BTBD9: variants seen among roughly 807,000 people sequenced by gnomAD.
The protein encoded by BTBD9 is BTB/POZ domain-containing protein 9.
Under a neutral mutation model 64.3 loss-of-function variants are expected in BTBD9, and 49 were observed. That is an observed-to-expected ratio of 0.76 (90% CI 0.61 to 0.97). The LOEUF is 0.97. BTBD9 is among the 50% of genes least tolerant of loss of function. The probability of loss-of-function intolerance (pLI) is 0.00; values close to 1 mark genes in which losing one functional copy is unlikely to be tolerated. For synonymous variants in BTBD9, 260 were observed against 274.7 expected (o/e 0.95, Z 0.53); for missense variants, 598 against 762.1 (o/e 0.78, Z 2.53).
intron 6 of BTBD9, among the ~76,000 whole-genome samples, chr6:38,450,395 C>T (rs1048353138): frequency 2.0e-5 from 3 of 152,124 alleles, no homozygotes; most frequent in African/African-American, 4.8e-5. Flanking sequence ...TCTTGAAAAA[C>T]GCTGAGAGAG....
chr6:38,175,425 A>G (rs1272461421), intron 10 of BTBD9, among the ~76,000 whole-genome samples: 1 of 152,226 alleles, frequency 6.6e-6, no homozygotes, highest in Admixed American at 6.5e-5. Flanking sequence ...TAGAGACACC[A>G]TGACACGGAT....
intron 6 of BTBD9, among the ~76,000 whole-genome samples, chr6:38,509,264 A>G (rs978064788): frequency 3.9e-5 from 6 of 152,232 alleles, no homozygotes; most frequent in African/African-American, 1.4e-4. Context: ...GTAAAAGGAC[A>G]TATTACCAGG....
chr6:38,430,880 C>T (rs143019024), intron 6 of BTBD9, among the ~76,000 whole-genome samples: 3 of 152,096 alleles, frequency 2.0e-5, no homozygotes, highest in African/African-American at 4.8e-5. Context: ...CCTGTGCCAA[C>T]CCAATGGTCA....
At chr6:38,593,372 A>C (rs977790225) in intron 3 of BTBD9, among the ~76,000 whole-genome samples, 3 of 152,222 alleles carry the variant, frequency 2.0e-5, no homozygotes, top group African/African-American at 7.2e-5. Context: ...ATTTACACTC[A>C]AATCAAGATA....
At chr6:38,465,162 G>T (rs540414312) in intron 6 of BTBD9, among the ~76,000 whole-genome samples, 76 of 151,958 alleles carry the variant, frequency 5.0e-4, no homozygotes, top group Non-Finnish European at 1.0e-3. Flanking sequence ...GGGTATGGTG[G>T]TGTGTGCCTG....
chr6:38,266,262 C>T (rs1031864285), intron 8 of BTBD9, among the ~76,000 whole-genome samples: 10 of 152,086 alleles, frequency 6.6e-5, no homozygotes, highest in Non-Finnish European at 1.5e-4. Context: ...AGACTTCATA[C>T]TACACAGTCC....
At chr6:38,541,964 T>C (rs778617723) in intron 6 of BTBD9, among the ~76,000 whole-genome samples, 1 of 152,236 alleles carries the variant, frequency 6.6e-6, no homozygotes, top group Non-Finnish European at 1.5e-5. Flanking sequence ...AGAAAACTTA[T>C]ATGAACTTGA....
chr6:38,570,046 G>A (rs189955909), intron 6 of BTBD9, among the ~76,000 whole-genome samples: 2 of 152,202 alleles, frequency 1.3e-5, no homozygotes, highest in Admixed American at 1.3e-4. Context: ...AGGAAAATTC[G>A]AAGCTCTACA....
intron 1 of BTBD9, among the ~76,000 whole-genome samples, chr6:38,606,928 C>T (rs1417739002): frequency 6.6e-6 from 1 of 152,096 alleles, no homozygotes; most frequent in Non-Finnish European, 1.5e-5. Flanking sequence ...CTTATAAAAC[C>T]TTGCTAAGTA....
chr6:38,315,457 T>G (rs1279044643), intron 7 of BTBD9, among the ~76,000 whole-genome samples: 1 of 152,166 alleles, frequency 6.6e-6, no homozygotes, highest in African/African-American at 2.4e-5. Context: ...TTTCGCTGTA[T>G]CCCACAGTTT....
chr6:38,430,299 A>G (rs558974996), intron 6 of BTBD9, among the ~76,000 whole-genome samples: 1 of 151,350 alleles, frequency 6.6e-6, no homozygotes, highest in Non-Finnish European at 1.5e-5. Flanking sequence ...AGCTCACTGA[A>G]GCTTCGAACT....
At chr6:38,283,242 C>T (rs978162441) in intron 8 of BTBD9, among the ~76,000 whole-genome samples, 1 of 152,182 alleles carries the variant, frequency 6.6e-6, no homozygotes, top group Non-Finnish European at 1.5e-5. Context: ...GGAGTAAACT[C>T]TCAGAAAAGG....
chr6:38,217,318 C>CAA lies in BTBD9; in HGVS notation c.1563-24723_1563-24722dup, dbSNP rs3047754. On this transcript the variant is annotated intron_variant, in intron 9 of 10. Transcript: ENST00000481247. ...TGGGTGACAGAGCAAGACTCCATCT[C>CAA]AAAAAAAAAAAAAAAAAAAAAAAAG... Among the ~76,000 whole-genome samples, 274 of 69,206 alleles carry CAA rather than the reference C, an allele frequency of 4.0e-3. 4 individuals carry two copies. The highest frequency in any genetic ancestry group is 6.1e-3 in the African/African-American group (98 of 16,192). The allele number at this position is 69,206 out of a possible 152,430, so 45.4% of individuals were successfully genotyped here.
rs1307222162 is a variant in BTBD9, at chr6:38,298,988, G to C, written c.1265-10527C>G. Among the ~76,000 whole-genome samples the C allele has an allele frequency of 5.9e-5, 9 of 151,854 alleles. No individual in the cohort carries two copies. The South Asian group carries it at 1.7e-3, about 28-fold the overall frequency. Reference sequence around the variant, plus strand: ...GTCATTTAGCATTAGGTATACCTCCGAATGCTATCCCTCTCCCCATCCCCC... The same window carrying C: ...GTCATTTAGCATTAGGTATACCTCCCAATGCTATCCCTCTCCCCATCCCCC... On this transcript the variant is annotated intron_variant, in intron 7 of 10. Coordinates refer to ENST00000481247, the MANE Select transcript of BTBD9 (RefSeq NM_001099272.2).
intron 9 of BTBD9, among the ~76,000 whole-genome samples, chr6:38,234,735 C>T (rs1007420471): frequency 3.9e-5 from 6 of 152,314 alleles, no homozygotes; most frequent in African/African-American, 9.6e-5. Flanking sequence ...CAAGGATGCT[C>T]GGCTAATCGG....
At position 38,383,120 on chromosome 6, in the gene BTBD9, G is replaced by A. The variant is rs550167769; in HGVS notation, c.1155-38027C>T. 3.9e-5 allele frequency among the ~76,000 whole-genome samples: 6 copies of A among 152,182 alleles called. No homozygotes were observed. The East Asian group carries it at 9.6e-4, about 24-fold the overall frequency. On this transcript the variant is annotated intron_variant, in intron 6 of 10. Coordinates refer to ENST00000481247, the MANE Select transcript of BTBD9 (RefSeq NM_001099272.2). Reference sequence around the variant, plus strand: ...TCATAAACACAAATGCAAAATCCTAGAAAAATTTCAGCCAAACAAATTCAA... The same window carrying A: ...TCATAAACACAAATGCAAAATCCTAAAAAAATTTCAGCCAAACAAATTCAA...
rs762825969 is a variant in BTBD9, at chr6:38,342,535, C to CAAA, written c.1264+2446_1264+2448dup. Among the ~76,000 whole-genome samples, 169 of 54,700 alleles carry CAAA rather than the reference C, an allele frequency of 3.1e-3. 1 individual carries two copies. The highest frequency in any genetic ancestry group is 8.6e-3 in the African/African-American group (152 of 17,626). The allele number at this position is 54,700 out of a possible 152,430, so 35.9% of individuals were successfully genotyped here. On this transcript the variant is annotated intron_variant, in intron 7 of 10. Transcript: ENST00000481247. The stretch of plus-strand genomic sequence containing the variant: ...TGGACAACAGAGCGAGACTCTGTCT[C>CAAA]AAAAAAAAAAAAAAAAAAAAAAGTA...
chr6:38,222,257 GT>G (rs1156925177), intron 9 of BTBD9, among the ~76,000 whole-genome samples: 521 of 114,212 alleles, frequency 4.6e-3, no homozygotes, highest in Non-Finnish European at 6.3e-3. Context: ...TCATTCAGTT[GT>G]TTTTTTTTTT....
chr6:38,343,016 C>G (rs1764163086), intron 7 of BTBD9, among the ~76,000 whole-genome samples: 1 of 152,166 alleles, frequency 6.6e-6, no homozygotes. Flanking sequence ...AATCTTCTGG[C>G]AAGCGCATGT....
Sources: allele counts gnomAD v4.1 joint callset (sites outside exome capture counted in the v4.1 genomes callset), GRCh38; gene constraint gnomAD v4.1.1; transcripts MANE v1.5; gene names NCBI Gene and HGNC (gene_info 2026-07-23, HGNC 2026-07-21).